The following MAP2K2 variants were observed in gnomAD, a reference collection of about 807,000 sequenced individuals.
The protein encoded by MAP2K2 is mitogen-activated protein kinase kinase 2.
A neutral mutation model predicts 43.7 loss-of-function variants in MAP2K2; 24 were observed. The ratio of observed to expected loss-of-function variants is 0.55; its 90% CI spans 0.40 to 0.77. The LOEUF (loss-of-function observed/expected upper bound fraction) is 0.77. Ranked by LOEUF, MAP2K2 falls within the 30% of genes least tolerant of loss-of-function variation. The pLI is 0.00. For missense variants in MAP2K2, 470 were observed against 566.8 expected (o/e 0.83, Z 1.73); for synonymous variants, 244 against 239.7 (o/e 1.02, Z -0.17).
At chr19:4,105,139 G>A (rs2041066963) in intron 3 of MAP2K2, among the ~76,000 whole-genome samples, 1 of 147,302 alleles carries the variant, frequency 6.8e-6, no homozygotes, top group South Asian at 2.1e-4. Flanking sequence ...CTCTGTGCAT[G>A]ACCATACACG....
chr19:4,094,284 G>A (rs576317225), intron 10 of MAP2K2, among the ~76,000 whole-genome samples, 169 bp downstream of exon 10: 2 of 152,304 alleles, frequency 1.3e-5, no homozygotes, highest in Non-Finnish European at 2.9e-5. Context: ...TCTCATGGAT[G>A]AGAGAGACCC....
chr19:4,110,902 G>C (rs2041146362), intron 2 of MAP2K2, among the ~76,000 whole-genome samples: 1 of 152,154 alleles, frequency 6.6e-6, no homozygotes, highest in Admixed American at 6.5e-5. Context: ...GTCCACCCAG[G>C]GCAGAACAGG....
Position 4,123,969 on chromosome 19 carries a change from C to A in MAP2K2, c.-94G>T, listed in dbSNP as rs558171852. 71 of 538,820 alleles carry A rather than the reference C, an allele frequency of 1.3e-4. No individual in the cohort carries two copies. The East Asian group carries it at 6.5e-3, about 49-fold the overall frequency. 33.4% of individuals were successfully genotyped at this position (538,820 alleles called of 1,614,324 possible). On this transcript the variant is annotated 5_prime_UTR_variant, in exon 1 of 11. Coordinates refer to ENST00000262948, the MANE Select transcript of MAP2K2 (RefSeq NM_030662.4). ...CGGCGCCTACGCGAGCCCGGGGCTG[C>A]GGCCGCGGCCCAGGCCGGCGTCGGG... is the stretch of plus-strand genomic sequence containing the variant.
intron 7 of MAP2K2, among the ~76,000 whole-genome samples, chr19:4,097,900 C>T (rs1399414055): frequency 1.3e-5 from 2 of 151,946 alleles, no homozygotes; most frequent in Non-Finnish European, 2.9e-5. Flanking sequence ...GATGGTATAC[C>T]ACCTGAGAGT....
intron 3 of MAP2K2, among the ~76,000 whole-genome samples, chr19:4,106,235 A>G (rs927530364): frequency 6.6e-6 from 1 of 152,062 alleles, no homozygotes; most frequent in Non-Finnish European, 1.5e-5. Flanking sequence ...GAGAGACCCT[A>G]TCTCTACACA....
intron 10 of MAP2K2, among the ~76,000 whole-genome samples, chr19:4,091,438 C>T (rs12971836): frequency 0.19 from 29,160 of 149,988 alleles, 3,209 homozygotes; most frequent in South Asian, 0.31. Flanking sequence ...CTGCAACCTC[C>T]GCCTCCCGGG....
rs905801856 is a variant in MAP2K2, at chr19:4,115,161, A to G, written c.303+2258T>C. ...GTGCGCCCTTTCCCCGCCTCCCCCA[A>G]GATGACTGACATCTTACATGACGGA... On this transcript the variant is annotated intron_variant, in intron 2 of 10. Transcript: ENST00000262948. The surrounding 1 kb of genome is among the most constrained non-coding windows in gnomAD (Gnocchi z 4.1). 6.6e-6 allele frequency among the ~76,000 whole-genome samples: 1 copy of G among 152,152 alleles called. No individual in the cohort carries two copies. The highest frequency in any genetic ancestry group is 1.5e-5 in the Non-Finnish European group (1 of 68,026).
chr19:4,103,854 G>A lies in MAP2K2; in HGVS notation c.451-1401C>T, dbSNP rs940979627. ...GGGTGAGAGGGCAGGTATGGCCAGG[G>A]CTCAGACAGCCCAGGAGGAGGTGCC... is the stretch of plus-strand genomic sequence containing the variant. On this transcript the variant is annotated intron_variant, in intron 3 of 10. Transcript: ENST00000262948. Among the ~76,000 whole-genome samples, 28 of 152,360 alleles carry A rather than the reference G, an allele frequency of 1.8e-4. No individual in the cohort carries two copies. The East Asian group carries it at 4.4e-3, about 24-fold the overall frequency.
At chr19:4,100,959 G>T in intron 6 of MAP2K2, 60 bp downstream of exon 6, 1 of 1,544,570 alleles carries the variant, frequency 6.5e-7, no homozygotes, top group Non-Finnish European at 8.7e-7. Flanking sequence ...GCTGGGTGGG[G>T]AGAGCTTGGG....
chr19:4,113,858 G>T (rs1346819088), intron 2 of MAP2K2, among the ~76,000 whole-genome samples: 2 of 152,182 alleles, frequency 1.3e-5, no homozygotes, highest in Non-Finnish European at 2.9e-5. Flanking sequence ...CCGCCCCCCG[G>T]CCGCCACCCC....
rs537779239 is a variant in MAP2K2, at chr19:4,120,787, T to C, written c.92+2997A>G. ...TGGCGTCCCTACAGCCAGCTTCCTC[T>C]CCTGGGGGAATCCTTCAAGAGATGG... is the stretch of plus-strand genomic sequence containing the variant. On this transcript the variant is annotated intron_variant, in intron 1 of 10. Coordinates refer to ENST00000262948, the MANE Select transcript of MAP2K2 (RefSeq NM_030662.4). 2.0e-4 allele frequency among the ~76,000 whole-genome samples: 30 copies of C among 152,246 alleles called. No individual in the cohort carries two copies. In the East Asian group the frequency reaches 5.6e-3, roughly 28 times the overall value.
intron 9 of MAP2K2, 127 bp from the exon 10 acceptor site, chr19:4,094,625 G>T: frequency 1.2e-6 from 1 of 815,992 alleles, no homozygotes; most frequent in Non-Finnish European, 2.0e-6. Flanking sequence ...CGACCAGAGA[G>T]AGTGGCACAG....
chr19:4,099,104 G>A (rs946982705), intron 7 of MAP2K2, 97 bp downstream of exon 7: 12 of 1,036,424 alleles, frequency 1.2e-5, no homozygotes, highest in African/African-American at 3.2e-5. Flanking sequence ...CAGGTGGTGC[G>A]CCAGGGGCAG....
chr19:4,110,678 C>T (rs1371598899), intron 2 of MAP2K2, 23 bp from the exon 3 acceptor site: 1 of 1,608,218 alleles, frequency 6.2e-7, no homozygotes, highest in South Asian at 1.1e-5. Context: ...AGGGGCGAGA[C>T]TGGCTTGGGG....
chr19:4,119,929 C>T (rs530173204), intron 1 of MAP2K2, among the ~76,000 whole-genome samples: 38 of 152,378 alleles, frequency 2.5e-4, no homozygotes, highest in African/African-American at 8.9e-4. Context: ...GCGTAAGCCA[C>T]GGGGCACACA....
intron 1 of MAP2K2, among the ~76,000 whole-genome samples, chr19:4,118,290 G>A (rs2041252558): frequency 6.6e-6 from 1 of 152,160 alleles, no homozygotes; most frequent in African/African-American, 2.4e-5. Context: ...GAGGAGACGA[G>A]GAAGCTGGGA....
At chr19:4,119,126 C>T (rs1178962187) in intron 1 of MAP2K2, among the ~76,000 whole-genome samples, 1 of 152,194 alleles carries the variant, frequency 6.6e-6, no homozygotes, top group Non-Finnish European at 1.5e-5. Context: ...CCTCCAACTC[C>T]TGTCCTCAAG....
rs774875456 is a variant in MAP2K2, at chr19:4,117,529, C to A, written c.193G>T (p.Gly65Cys). ...TCGAAGTCATCGTCTTTGAGTTCGC[C>A]GACCTTGGCTTTCTGGGTGAGAAAG... Reference protein sequence around the residue: ...EAFLTQKAKVGELKDDDFERI... With the variant: ...EAFLTQKAKVCELKDDDFERI... Residue 65 changes from glycine to cysteine, a missense_variant, in exon 2 of 11, where the codon GGC (glycine) becomes TGC (cysteine). By Grantham distance (159) the Gly-to-Cys change is radical. Coordinates refer to ENST00000262948, the MANE Select transcript of MAP2K2 (RefSeq NM_030662.4). 1.9e-6 allele frequency: 3 copies of A among 1,614,152 alleles called. No homozygotes were observed. The highest frequency in any genetic ancestry group is 2.5e-6 in the Non-Finnish European group (3 of 1,180,034).
intron 7 of MAP2K2, among the ~76,000 whole-genome samples, chr19:4,098,303 AGG>A (rs2040950178): frequency 6.6e-6 from 1 of 152,158 alleles, no homozygotes; most frequent in Admixed American, 6.5e-5. Context: ...TGATGGGGAC[AGG>A]GTTTCCTCTT....
Sources: allele counts gnomAD v4.1 joint callset (sites outside exome capture counted in the v4.1 genomes callset), GRCh38; gene constraint gnomAD v4.1.1; non-coding constraint Gnocchi (gnomAD v3.1); transcripts MANE v1.5; gene names NCBI Gene and HGNC (gene_info 2026-07-23, HGNC 2026-07-21).